VPS13A: variants seen among roughly 807,000 people sequenced by gnomAD.
VPS13A encodes the protein intermembrane lipid transfer protein VPS13A.
A neutral mutation model predicts 390.9 loss-of-function variants in VPS13A; 264 were observed. The ratio of observed to expected loss-of-function variants is 0.68; its 90% CI spans 0.61 to 0.75. The LOEUF (loss-of-function observed/expected upper bound fraction) is 0.75. Among genes scored for constraint, VPS13A ranks in the 30% least tolerant of loss-of-function variants. The pLI is 0.00. For missense variants in VPS13A, 3,409 were observed against 3,733.9 expected (o/e 0.91, Z 2.27); for synonymous variants, 1,231 against 1,227.1 (o/e 1.00, Z -0.07).
chr9:77,337,659 G>A, intron 47 of VPS13A, 122 bp downstream of exon 47: 1 of 941,580 alleles, frequency 1.1e-6, no homozygotes, highest in South Asian at 1.8e-5. Context: ...GTAAAGAATA[G>A]GTAATGCAGA....
chr9:77,407,465 G>A (rs902538764), intron 70 of VPS13A, 68 bp from the exon 71 acceptor site: 5 of 1,315,528 alleles, frequency 3.8e-6, no homozygotes, highest in Non-Finnish European at 3.3e-6. Flanking sequence ...ATAAAGCTTT[G>A]TGGCATTTCT....
At chr9:77,317,551 A>G in intron 39 of VPS13A, 55 bp from the exon 40 acceptor site, 1 of 1,333,864 alleles carries the variant, frequency 7.5e-7, no homozygotes, top group Non-Finnish European at 1.0e-6. Context: ...GTCTTTAAAT[A>G]GAAATATTTT....
chr9:77,310,132 T>C (rs1342253114), intron 35 of VPS13A, among the ~76,000 whole-genome samples: 2 of 152,122 alleles, frequency 1.3e-5, no homozygotes, highest in Non-Finnish European at 2.9e-5. Flanking sequence ...CTTAGACTTC[T>C]TCATACCCAT....
chr9:77,196,865 G>C (rs1396056700), intron 1 of VPS13A, among the ~76,000 whole-genome samples: 1 of 151,962 alleles, frequency 6.6e-6, no homozygotes, highest in East Asian at 1.9e-4. Context: ...TACATTAGTG[G>C]GAATGATGGA....
intron 46 of VPS13A, among the ~76,000 whole-genome samples, chr9:77,334,954 A>G (rs889180921): frequency 2.0e-5 from 3 of 152,166 alleles, no homozygotes; most frequent in Non-Finnish European, 4.4e-5. Flanking sequence ...AAGTCACTGA[A>G]AAAGGACATG....
In VPS13A at chr9:77,419,288, T is replaced by C. The variant is rs1009226991; in HGVS notation, c.*3282T>C. On this transcript the variant is annotated 3_prime_UTR_variant, in exon 72 of 72. Transcript: ENST00000360280. ...ATTTTAAACGTGAAATAATAAAAAA[T>C]AGAGGAACAATAGAGCATATAAAAT... The C allele has an allele frequency of 2.0e-5, 3 of 152,098 alleles. No individual in the cohort carries two copies. Among genetic ancestry groups the C allele is most frequent in the African/African-American group, 7.2e-5 (3 of 41,414 alleles). 9.4% of individuals were successfully genotyped at this position (152,098 alleles called of 1,614,324 possible).
rs1823912266 is a variant in VPS13A at position 77,180,031 on chromosome 9, A to G, written c.100+2227A>G. ...AAGGTTCCTCCATGTTGAAGGATGT[A>G]TGACTATTTCATTTGCTCTTAGGGT... On this transcript the variant is annotated intron_variant, in intron 1 of 71. Coordinates refer to ENST00000360280, the MANE Select transcript of VPS13A (RefSeq NM_033305.3). 2.6e-5 allele frequency among the ~76,000 whole-genome samples: 4 copies of G among 152,176 alleles called. 1 individual carries two copies. In the South Asian group the frequency reaches 8.3e-4, roughly 32 times the overall value.
chr9:77,272,583 A>G (rs752607355), intron 23 of VPS13A, among the ~76,000 whole-genome samples: 1 of 152,222 alleles, frequency 6.6e-6, no homozygotes. Context: ...AGGAAAATGT[A>G]TGTCATATAT....
chr9:77,381,305 G>A (rs1833421458), intron 67 of VPS13A, among the ~76,000 whole-genome samples: 1 of 152,070 alleles, frequency 6.6e-6, no homozygotes, highest in African/African-American at 2.4e-5. Flanking sequence ...TTGTAGAGCA[G>A]TGTATGCTGC....
At chr9:77,215,097 G>A (rs142888004) in intron 10 of VPS13A, among the ~76,000 whole-genome samples, 1 of 152,028 alleles carries the variant, frequency 6.6e-6, no homozygotes. Context: ...CCAAGATCAC[G>A]CCACTGCACT....
chr9:77,406,672 C>T (rs530031673), intron 70 of VPS13A, among the ~76,000 whole-genome samples: 4 of 151,970 alleles, frequency 2.6e-5, no homozygotes, highest in Admixed American at 2.6e-4. Context: ...CTGCCTCAGC[C>T]TCCCAAAGTA....
At chr9:77,306,913 T>TA (rs1310866162) in intron 34 of VPS13A, among the ~76,000 whole-genome samples, 36 of 149,610 alleles carry the variant, frequency 2.4e-4, no homozygotes, top group African/African-American at 5.6e-4. Context: ...GCTCTTTATT[T>TA]TTTTTTTTTT....
intron 67 of VPS13A, among the ~76,000 whole-genome samples, chr9:77,376,927 A>G (rs1833110439): frequency 6.6e-6 from 1 of 152,196 alleles, no homozygotes; most frequent in Admixed American, 6.5e-5. Context: ...AGGAGGCTAA[A>G]AAGAAATGGT....
At chr9:77,224,823 G>T (rs531114365) in intron 13 of VPS13A, among the ~76,000 whole-genome samples, 1 of 152,296 alleles carries the variant, frequency 6.6e-6, no homozygotes, top group South Asian at 2.1e-4. Flanking sequence ...ATCAAACAGC[G>T]TTGTACGCTA....
chr9:77,365,384 A>C, intron 59 of VPS13A, 76 bp from the exon 60 acceptor site: 2 of 899,070 alleles, frequency 2.2e-6, no homozygotes, highest in Non-Finnish European at 3.7e-6. Flanking sequence ...GAGTTTTGGC[A>C]GTGTGTCTTC....
chr9:77,241,233 A>G (rs1824470740), intron 19 of VPS13A, among the ~76,000 whole-genome samples: 1 of 152,070 alleles, frequency 6.6e-6, no homozygotes, highest in Non-Finnish European at 1.5e-5. Flanking sequence ...TCTCTGTGTT[A>G]CATGCTGGGT....
intron 34 of VPS13A, among the ~76,000 whole-genome samples, chr9:77,305,925 C>A (rs886638041): frequency 6.6e-6 from 1 of 152,170 alleles, no homozygotes; most frequent in Non-Finnish European, 1.5e-5. Context: ...GAACTTCCTC[C>A]ACTGAGCTCC....
Position 77,315,298 on chromosome 9 carries a change from T to C in VPS13A, c.4458T>C (p.Asp1486=). The change falls in exon 38 of 72, where the codon GAT becomes GAC. Residue 1486 remains aspartate, a synonymous_variant. Coordinates refer to ENST00000360280, the MANE Select transcript of VPS13A (RefSeq NM_033305.3). ...TVGFDKKDMM[D]IKYRKVRDGC... Reference sequence around the variant, plus strand: ...GTTTTGACAAAAAAGACATGATGGATATAAAGTACAGGAAAGTCAGAGATG... The same window carrying C: ...GTTTTGACAAAAAAGACATGATGGACATAAAGTACAGGAAAGTCAGAGATG... 1 of 1,613,920 alleles carries C rather than the reference T, an allele frequency of 6.2e-7. No individual in the cohort carries two copies. Among genetic ancestry groups the C allele is most frequent in the Non-Finnish European group, 8.5e-7 (1 of 1,179,838 alleles).
chr9:77,373,264 C>T (rs1832882492), intron 67 of VPS13A, among the ~76,000 whole-genome samples: 1 of 148,554 alleles, frequency 6.7e-6, no homozygotes, highest in African/African-American at 2.5e-5. Context: ...ACCAAAAGAG[C>T]ATGGTACTGG....
Sources: gnomAD v4.1 joint callset for allele counts (sites outside exome capture counted in the v4.1 genomes callset) on GRCh38, gnomAD v4.1.1 for gene constraint, MANE v1.5 for transcripts, NCBI Gene and HGNC (gene_info 2026-07-23, HGNC 2026-07-21) for gene names.